Variants in MAP1S observed in about 807,000 individuals in gnomAD.
The protein encoded by MAP1S is microtubule-associated protein 1S.
Under a neutral mutation model 60.9 loss-of-function variants are expected in MAP1S, and 27 were observed. That is an observed-to-expected ratio of 0.44 (90% confidence interval 0.33 to 0.61). The LOEUF (loss-of-function observed/expected upper bound fraction) is 0.61. Among genes scored for constraint, MAP1S ranks in the 20% least tolerant of loss-of-function variants. The pLI is 0.03. For missense variants in MAP1S, 1,608 were observed against 1,486.6 expected (o/e 1.08, Z -1.34); for synonymous variants, 826 against 694.2 (o/e 1.19, Z -2.98).
chr19:17,727,169 T>C lies in MAP1S; in HGVS notation c.1785T>C (p.Ser595=). Residue 595 remains serine (S), a synonymous_variant, in exon 5 of 7, where the codon AGT becomes AGC. Transcript: ENST00000324096. This position sits in a 1 kb window ranked among gnomAD's most constrained non-coding sequence, Gnocchi z 4.1. Reference sequence around the variant, plus strand: ...GATGTGGAGAAGCCAGCCCCCCCAGTGCAGCCTGCGGCTCTCCGGCCTCCC... The same window carrying C: ...GATGTGGAGAAGCCAGCCCCCCCAGCGCAGCCTGCGGCTCTCCGGCCTCCC... ...SLRCGEASPP[S]AACGSPASQL... is the part of the protein sequence containing the mutation. 4 of 1,585,800 alleles carry C rather than the reference T, an allele frequency of 2.5e-6. No individual in the cohort carries two copies. The highest frequency in any genetic ancestry group is 2.6e-6 in the Non-Finnish European group (3 of 1,169,440).
intron 1 of MAP1S, chr19:17,719,848 G>A (rs1160420501): frequency 3.7e-5 from 6 of 160,944 alleles, no homozygotes; most frequent in African/African-American, 1.2e-4. Context: ...GGCCTGGGCT[G>A]GGCAGGGCTG....
At position 17,726,608 on chromosome 19, in the gene MAP1S, G is replaced by T; in HGVS notation, c.1224G>T (p.Thr408=). The change falls in exon 5 of 7, where the codon ACG becomes ACT. Residue 408 remains threonine (T), a synonymous_variant. Transcript: ENST00000324096. ...LHPPSAGAER[T]LASVCALLVW... is the part of the protein sequence containing the mutation. ...CGCCCTCCGCCGGCGCCGAGCGCAC[G>T]CTGGCCTCTGTGTGCGCCCTGCTGG... The T allele has an allele frequency of 6.4e-7, 1 of 1,570,496 alleles. No homozygotes were observed. The highest frequency in any genetic ancestry group is 8.6e-7 in the Non-Finnish European group (1 of 1,162,706).
chr19:17,729,471 C>A (rs1242941249), intron 5 of MAP1S, among the ~76,000 whole-genome samples: 2 of 152,154 alleles, frequency 1.3e-5, no homozygotes, highest in Admixed American at 6.6e-5. Flanking sequence ...TTTAAGCAGG[C>A]CTTGCTGAGA....
chr19:17,724,544 T>G (rs2080400198), intron 3 of MAP1S, among the ~76,000 whole-genome samples: 1 of 152,168 alleles, frequency 6.6e-6, no homozygotes, highest in Non-Finnish European at 1.5e-5. Flanking sequence ...GTTGTCTGAA[T>G]CGACTCACTA....
chr19:17,720,384 C>T, intron 1 of MAP1S: 1 of 1,534,676 alleles, frequency 6.5e-7, no homozygotes, highest in Non-Finnish European at 8.7e-7. Flanking sequence ...GCAGTGGACA[C>T]AGGGATATGG....
chr19:17,734,206 A>T, intron 6 of MAP1S, 67 bp from the exon 7 acceptor site: 2 of 1,414,182 alleles, frequency 1.4e-6, no homozygotes, highest in Non-Finnish European at 2.0e-6. Flanking sequence ...GGCCCAGGCC[A>T]GAAGGGCAGG....
chr19:17,732,994 C>T, intron 5 of MAP1S, 199 bp from the exon 6 acceptor site: 1 of 551,862 alleles, frequency 1.8e-6, no homozygotes, highest in Non-Finnish European at 3.2e-6. Flanking sequence ...TGTGACGAGC[C>T]TGGGCAGCAT....
At position 17,734,443 on chromosome 19, in the gene MAP1S, C is replaced by T. The variant is rs747983658; in HGVS notation, c.*15C>T. The T allele has an allele frequency of 1.2e-5, 19 of 1,596,406 alleles. No homozygotes were observed. In the East Asian group the frequency reaches 1.6e-4, roughly 13 times the overall value. ...TGGAGTTCTAGCCCCATCGCCGACA[C>T]GCCCCCCACTCAGCCCAGCCCGCCT... On this transcript the variant is annotated 3_prime_UTR_variant, in exon 7 of 7. Coordinates refer to ENST00000324096, the MANE Select transcript of MAP1S (RefSeq NM_018174.6).
intron 3 of MAP1S, among the ~76,000 whole-genome samples, chr19:17,724,619 A>G (rs1457792152): frequency 6.6e-6 from 1 of 152,204 alleles, no homozygotes; most frequent in Non-Finnish European, 1.5e-5. Flanking sequence ...AACCAGACAG[A>G]GCCCTGGGGC....
chr19:17,734,508 C>T lies in MAP1S; in HGVS notation c.*80C>T. 6.6e-7 allele frequency: 1 copy of T among 1,513,962 alleles called. No homozygotes were observed. Among genetic ancestry groups the T allele is most frequent in the East Asian group, 2.3e-5 (1 of 42,782 alleles). 93.8% of individuals were successfully genotyped at this position (1,513,962 alleles called of 1,614,324 possible). A position where few individuals can be genotyped will look rare whatever the true frequency, so the allele number is the denominator to read the frequency against. On this transcript the variant is annotated 3_prime_UTR_variant, in exon 7 of 7. Coordinates refer to ENST00000324096, the MANE Select transcript of MAP1S (RefSeq NM_018174.6). ...CCACATCAGAAATAAACTGTGACTACACTTGGCTGTGGCCTCTCTTCTTTC... is the reference window on the plus strand; with the variant it reads ...CCACATCAGAAATAAACTGTGACTATACTTGGCTGTGGCCTCTCTTCTTTC...
rs1188057252 is a variant in MAP1S, at chr19:17,726,576, C to T, written c.1192C>T (p.Leu398=). Residue 398 remains leucine, a synonymous_variant, in exon 5 of 7, where the codon CTG becomes TTG. Coordinates refer to ENST00000324096, the MANE Select transcript of MAP1S (RefSeq NM_018174.6). ...MGVGRLDMYV[L]HPPSAGAERT... ...CGTGGGCCGGCTGGACATGTATGTG[C>T]TGCACCCGCCCTCCGCCGGCGCCGA... is the stretch of plus-strand genomic sequence containing the variant. 6 of 1,574,958 alleles carry T rather than the reference C, an allele frequency of 3.8e-6. No individual in the cohort carries two copies. The highest frequency in any genetic ancestry group is 5.1e-6 in the Non-Finnish European group (6 of 1,165,812).
In MAP1S at chr19:17,727,766, G is replaced by T. The variant is rs776803611; in HGVS notation, c.2382G>T (p.Leu794=). The T allele has an allele frequency of 6.2e-7, 1 of 1,610,336 alleles. No individual in the cohort carries two copies. The highest frequency in any genetic ancestry group is 8.5e-7 in the Non-Finnish European group (1 of 1,178,414). ...PTSVSESLPT[L]SDSDPVPLAP... is the part of the protein sequence containing the mutation. ...CGGTCAGCGAGTCCCTGCCCACCCT[G>T]TCTGACTCGGATCCCGTGCCCCTGG... The change falls in exon 5 of 7, where the codon CTG becomes CTT. Residue 794 remains leucine (L), a synonymous_variant. Coordinates refer to ENST00000324096, the MANE Select transcript of MAP1S (RefSeq NM_018174.6). The surrounding 1 kb of genome is among the most constrained non-coding windows in gnomAD (Gnocchi z 4.1).
chr19:17,731,048 C>T (rs1446115575), intron 5 of MAP1S, among the ~76,000 whole-genome samples: 1 of 151,916 alleles, frequency 6.6e-6, no homozygotes, highest in Non-Finnish European at 1.5e-5. Flanking sequence ...CCCACCACCA[C>T]ACCTGGCTAA....
intron 2 of MAP1S, among the ~76,000 whole-genome samples, 160 bp from the exon 3 acceptor site, chr19:17,723,966 G>A (rs1161166287): frequency 6.6e-6 from 1 of 152,212 alleles, no homozygotes; most frequent in Non-Finnish European, 1.5e-5. Flanking sequence ...AGCTGGGGTG[G>A]TTTGAGTTTC....
chr19:17,733,956 T>G (rs1433327946), intron 6 of MAP1S, among the ~76,000 whole-genome samples: 1 of 151,376 alleles, frequency 6.6e-6, no homozygotes, highest in Non-Finnish European at 1.5e-5. Context: ...AGGAAAGAGG[T>G]TGGTGTGTTC....
At chr19:17,720,145 C>T (rs2080357309) in intron 1 of MAP1S, 1 of 1,300,702 alleles carries the variant, frequency 7.7e-7, no homozygotes, top group Non-Finnish European at 9.8e-7. Context: ...GGATTTGGCA[C>T]CTAGGGAGGT....
At chr19:17,731,566 C>T (rs2080493580) in intron 5 of MAP1S, among the ~76,000 whole-genome samples, 2 of 152,208 alleles carry the variant, frequency 1.3e-5, no homozygotes, top group South Asian at 2.1e-4. Flanking sequence ...TCTTCTATTT[C>T]ATGATTGTTT....
At chr19:17,734,216 G>A (rs2145983733) in intron 6 of MAP1S, 57 bp from the exon 7 acceptor site, 1 of 1,491,798 alleles carries the variant, frequency 6.7e-7, no homozygotes, top group East Asian at 2.3e-5. Context: ...AGAAGGGCAG[G>A]GGGCACCCCC....
At position 17,726,694 on chromosome 19, in the gene MAP1S, C is replaced by T. The variant is rs766679104; in HGVS notation, c.1310C>T (p.Pro437Leu). 1.3e-6 allele frequency: 2 copies of T among 1,587,360 alleles called. No homozygotes were observed. Among genetic ancestry groups the T allele is most frequent in the African/African-American group, 1.3e-5 (1 of 74,464 alleles). Residue 437 changes from proline to leucine, a missense_variant, in exon 5 of 7, where the codon CCG (proline) becomes CTG (leucine). By Grantham distance (98) the Pro-to-Leu change is moderately conservative. Transcript: ENST00000324096. The stretch of plus-strand genomic sequence containing the variant: ...CGCGTGCTGTTCCCCGGTTGCACCC[C>T]GCCCGCCTGCCTCCTGGACGGCCTG... ...VVRVLFPGCTPPACLLDGLVR... is the reference protein window; with the variant it reads ...VVRVLFPGCTLPACLLDGLVR...
Sources: allele counts gnomAD v4.1 joint callset (sites outside exome capture counted in the v4.1 genomes callset), GRCh38; gene constraint gnomAD v4.1.1; non-coding constraint Gnocchi (gnomAD v3.1); transcripts MANE v1.5; gene names NCBI Gene and HGNC (gene_info 2026-07-23, HGNC 2026-07-21).